PDZD9: variants seen among roughly 807,000 people sequenced by gnomAD.
PDZD9 encodes the protein PDZ domain-containing protein 9.
In PDZD9, 13 loss-of-function variants were observed where a neutral mutation model predicts 16.3. The observed-to-expected ratio is 0.80, with a 90% CI of 0.52 to 1.27. The LOEUF is 1.27. Ranked by LOEUF, PDZD9 falls within the 50% of genes most tolerant of loss-of-function variation. The pLI is 0.00. For missense variants in PDZD9, 288 were observed against 310.9 expected, an observed-to-expected ratio of 0.93 and a Z score of 0.55; for synonymous variants, 120 against 111.0, an observed-to-expected ratio of 1.08 and a Z score of -0.51.
the PDZD9 span, chr16:21,976,855 T>G: frequency 3.9e-5 from 6 of 152,200 alleles, no homozygotes; most frequent in Admixed American, 3.9e-4. Flanking sequence ...TCTGTTTCCA[T>G]TGATTCAAAT....
chr16:21,974,753 T>G, the PDZD9 span, among the ~76,000 whole-genome samples: 244 of 152,292 alleles, frequency 1.6e-3, 1 homozygote, highest in African/African-American at 5.7e-3. Flanking sequence ...GGAGCAGATA[T>G]CGGAGATAGA....
At chr16:21,989,827 C>T (rs1158297367) in intron 2 of PDZD9, among the ~76,000 whole-genome samples, 3 of 152,274 alleles carry the variant, frequency 2.0e-5, no homozygotes, top group Non-Finnish European at 4.4e-5. Context: ...CACTAACCCC[C>T]GAAACCCCCA....
At chr16:21,968,627 GTTACA>G in the PDZD9 span, 2 of 1,604,268 alleles carry the variant, frequency 1.2e-6, no homozygotes, top group Non-Finnish European at 1.7e-6. Flanking sequence ...AACTTCCTCA[GTTACA>G]TTACTTCGTT....
At chr16:21,976,614 T>C in the PDZD9 span, 1 of 178,716 alleles carries the variant, frequency 5.6e-6, no homozygotes, top group East Asian at 1.6e-4. Flanking sequence ...TATATATAGA[T>C]GCTGCTTGAC....
rs187205052 is a variant in PDZD9 at position 21,996,461 on chromosome 16, G to A, written c.72C>T (p.Asn24=). 5 of 1,536,090 alleles carry A rather than the reference G, an allele frequency of 3.3e-6. No individual in the cohort carries two copies. Among genetic ancestry groups the A allele is most frequent in the Non-Finnish European group, 4.4e-6 (5 of 1,146,886 alleles). ...VSNKVKTSVH[N]LSKTQQTKLT... is the part of the protein sequence containing the mutation. ...GTTTGGTCTGCTGTGTTTTGCTCAA[G>A]TTGTGTACAGATGTTTTGACCTTGT... The change falls in exon 2 of 4, where the codon AAC becomes AAT. Residue 24 remains asparagine, a synonymous_variant. Coordinates refer to ENST00000424898, the MANE Select transcript of PDZD9 (RefSeq NM_001363519.1).
chr16:21,974,038 C>T, the PDZD9 span: 7 of 1,469,762 alleles, frequency 4.8e-6, no homozygotes, highest in South Asian at 7.1e-5. Context: ...CCGCCATAAA[C>T]ATGTTTTCGG....
chr16:21,967,906 G>C, the PDZD9 span, among the ~76,000 whole-genome samples: 1 of 151,570 alleles, frequency 6.6e-6, no homozygotes, highest in Non-Finnish European at 1.5e-5. Flanking sequence ...AAACACAAAA[G>C]AAACCTGACA....
At chr16:21,970,928 GT>G in the PDZD9 span, among the ~76,000 whole-genome samples, 8 of 147,176 alleles carry the variant, frequency 5.4e-5, no homozygotes, top group South Asian at 2.1e-4. Flanking sequence ...CCATTTTTAA[GT>G]TTTTTTTTTT....
intron 1 of PDZD9, chr16:21,998,974 T>C: frequency 4.4e-6 from 1 of 226,800 alleles, no homozygotes; most frequent in South Asian, 8.2e-5. Context: ...TCACAGGTTA[T>C]CAGCCATATG....
intron 2 of PDZD9, among the ~76,000 whole-genome samples, chr16:21,994,206 A>T (rs1245715734): frequency 1.3e-5 from 2 of 152,112 alleles, no homozygotes; most frequent in African/African-American, 4.8e-5. Context: ...TCAAACAAAC[A>T]TGCATTATTT....
chr16:21,996,334 T>G lies in PDZD9; in HGVS notation c.199A>C (p.Lys67Gln), dbSNP rs1899148072. Residue 67 changes from lysine (K) to glutamine (Q), a missense_variant, in exon 2 of 4, where the codon AAA (lysine) becomes CAA (glutamine). By Grantham distance (53) the Lys-to-Gln change is moderately conservative. Coordinates refer to ENST00000424898, the MANE Select transcript of PDZD9 (RefSeq NM_001363519.1). ...IRKGAAANDG[K>Q]LQPGDVLISV... ...AAAGGGCAATCACCTGGCTGGAGTTTCCCGTCGTTGGCTGCAGCCCCCTTC... is the reference window on the plus strand; with the variant it reads ...AAAGGGCAATCACCTGGCTGGAGTTGCCCGTCGTTGGCTGCAGCCCCCTTC... The G allele has an allele frequency of 6.5e-7, 1 of 1,535,424 alleles. No individual in the cohort carries two copies. Among genetic ancestry groups the G allele is most frequent in the Non-Finnish European group, 8.7e-7 (1 of 1,146,694 alleles).
chr16:21,966,915 A>G, the PDZD9 span, among the ~76,000 whole-genome samples: 4 of 152,268 alleles, frequency 2.6e-5, no homozygotes, highest in Non-Finnish European at 4.4e-5. Flanking sequence ...AGAATGGAAC[A>G]GTATTCAACC....
chr16:22,000,026 G>T (rs1899252070), intron 1 of PDZD9, among the ~76,000 whole-genome samples: 1 of 151,550 alleles, frequency 6.6e-6, no homozygotes, highest in Admixed American at 6.6e-5. Context: ...GGGTCACAGA[G>T]CAAGACTCTG....
In PDZD9 at chr16:21,984,009, G is replaced by A. The variant is rs372114024; in HGVS notation, c.*258C>T. On this transcript the variant is annotated 3_prime_UTR_variant, in exon 4 of 4. Coordinates refer to ENST00000424898, the MANE Select transcript of PDZD9 (RefSeq NM_001363519.1). ...CATTCTGATATTGGATTTCTCTACG[G>A]CATTTTCTAAAAGAAAGAAATTCTT... 3.2e-6 allele frequency: 1 copy of A among 309,246 alleles called. No individual in the cohort carries two copies. 19.2% of individuals were successfully genotyped at this position (309,246 alleles called of 1,614,324 possible). A position where few individuals can be genotyped will look rare whatever the true frequency, so the allele number is the denominator to read the frequency against.
the PDZD9 span, chr16:21,976,073 C>G: frequency 1.3e-6 from 1 of 774,542 alleles, no homozygotes; most frequent in Non-Finnish European, 2.2e-6. Flanking sequence ...AACTAACCTT[C>G]CATCTGTGTT....
At chr16:21,961,701 G>T in the PDZD9 span, among the ~76,000 whole-genome samples, 2 of 131,936 alleles carry the variant, frequency 1.5e-5, no homozygotes, top group African/African-American at 5.4e-5. Context: ...GCCCAGGCTG[G>T]AGTGCAGTGG....
At chr16:21,977,595 A>C in the PDZD9 span, among the ~76,000 whole-genome samples, 3 of 152,228 alleles carry the variant, frequency 2.0e-5, no homozygotes, top group African/African-American at 7.2e-5. Flanking sequence ...CTCCTAATTC[A>C]TTAGTAGTTC....
At chr16:21,988,838 G>A (rs1490373899) in intron 2 of PDZD9, 47 bp from the exon 3 acceptor site, 3 of 1,441,184 alleles carry the variant, frequency 2.1e-6, no homozygotes, top group African/African-American at 1.4e-5. Flanking sequence ...AGGTTTAAAG[G>A]GACTATATTG....
At chr16:21,959,915 A>T in the PDZD9 span, 3 of 152,212 alleles carry the variant, frequency 2.0e-5, no homozygotes, top group African/African-American at 4.8e-5. Context: ...ATGGGCTTAA[A>T]ATATTCAGTC....
Sources: allele counts gnomAD v4.1 joint callset (sites outside exome capture counted in the v4.1 genomes callset), GRCh38; gene constraint gnomAD v4.1.1; transcripts MANE v1.5; gene names NCBI Gene and HGNC (gene_info 2026-07-23, HGNC 2026-07-21).